The following MAPK6 variants were observed in gnomAD, a reference collection of about 807,000 sequenced individuals.
MAPK6 encodes the protein ERK-3.
A neutral mutation model predicts 59.3 loss-of-function variants in MAPK6; 19 were observed. The ratio of observed to expected loss-of-function variants is 0.32; its 90% CI spans 0.22 to 0.47. MAPK6 has a LOEUF of 0.47. Among genes scored for constraint, MAPK6 ranks in the 20% least tolerant of loss-of-function variants. The probability of loss-of-function intolerance (pLI) is 1.00; values close to 1 mark genes in which losing one functional copy is unlikely to be tolerated. For synonymous variants in MAPK6, 316 were observed against 290.3 expected, an observed-to-expected ratio of 1.09 and a Z score of -0.90; for missense variants, 724 against 847.9, an observed-to-expected ratio of 0.85 and a Z score of 1.81.
Position 51,998,204 on chromosome 15 carries a change from G to A in MAPK6, c.-769-6061G>A, listed in dbSNP as rs898438892. 2.6e-5 allele frequency among the ~76,000 whole-genome samples: 4 copies of A among 151,760 alleles called. No homozygotes were observed. In the East Asian group the frequency reaches 7.8e-4, roughly 29 times the overall value. On this transcript the variant is annotated intron_variant, in intron 2 of 7. Transcript: ENST00000691380. ...TAATCCACCCGCCTTGGACTCCCAA[G>A]GTGCTGAGATTACAGGCTTGAGCAA...
At chr15:52,008,503 A>G (rs1376517133) in intron 3 of MAPK6, among the ~76,000 whole-genome samples, 1 of 152,170 alleles carries the variant, frequency 6.6e-6, no homozygotes, top group Non-Finnish European at 1.5e-5. Flanking sequence ...TCCTGTGCAC[A>G]TGGGTCATGG....
intron 3 of MAPK6, among the ~76,000 whole-genome samples, chr15:52,052,910 A>T (rs894335294): frequency 6.6e-6 from 1 of 152,162 alleles, no homozygotes; most frequent in South Asian, 2.1e-4. Flanking sequence ...TATACCTAGG[A>T]GTGGAATTGC....
intron 3 of MAPK6, among the ~76,000 whole-genome samples, chr15:52,009,257 T>C (rs1339001776): frequency 1.3e-5 from 2 of 152,226 alleles, no homozygotes; most frequent in Non-Finnish European, 2.9e-5. Context: ...TTATTTACTC[T>C]GGTCATGTGG....
At chr15:52,049,023 G>A (rs2031690684) in intron 2 of MAPK6, among the ~76,000 whole-genome samples, 1 of 152,118 alleles carries the variant, frequency 6.6e-6, no homozygotes. Context: ...ACTTGAAGCA[G>A]ATCTCACTCT....
At chr15:52,012,247 T>C (rs2030077230) in intron 3 of MAPK6, among the ~76,000 whole-genome samples, 1 of 152,210 alleles carries the variant, frequency 6.6e-6, no homozygotes, top group Non-Finnish European at 1.5e-5. Flanking sequence ...GAGAACATGA[T>C]TTCCACACCC....
chr15:51,976,914 G>A (rs2057159085), intron 1 of MAPK6, among the ~76,000 whole-genome samples: 1 of 151,660 alleles, frequency 6.6e-6, no homozygotes, highest in African/African-American at 2.4e-5. Context: ...CTGCTCTCCA[G>A]CCTGGGAGAT....
intron 1 of MAPK6, among the ~76,000 whole-genome samples, chr15:52,034,650 T>C (rs917315966): frequency 2.0e-5 from 3 of 151,970 alleles, no homozygotes; most frequent in Non-Finnish European, 4.4e-5. Flanking sequence ...TCTTCACTTT[T>C]CTTTTTGTTT....
Position 51,971,827 on chromosome 15 carries a change from T to C in MAPK6, c.-959T>C, listed in dbSNP as rs1451178417. 4.4e-5 allele frequency: 64 copies of C among 1,444,014 alleles called. No homozygotes were observed. In the South Asian group the frequency reaches 6.5e-4, roughly 15 times the overall value. The allele number at this position is 1,444,014 out of a possible 1,614,324, so 89.5% of individuals were successfully genotyped here. A position where few individuals can be genotyped will look rare whatever the true frequency, so the allele number is the denominator to read the frequency against. Reference sequence around the variant, plus strand: ...GCACGGAACCACTGAAACACGACAGTGTCGCAAAGATTCGCCGAAGACACT... The same window carrying C: ...GCACGGAACCACTGAAACACGACAGCGTCGCAAAGATTCGCCGAAGACACT... On this transcript the variant is annotated 5_prime_UTR_variant, in exon 1 of 8. Coordinates refer to the MAPK6 transcript ENST00000691380.
intron 3 of MAPK6, among the ~76,000 whole-genome samples, chr15:52,051,542 C>T (rs2031780831): frequency 6.6e-6 from 1 of 152,214 alleles, no homozygotes; most frequent in Admixed American, 6.5e-5. Flanking sequence ...GTTTATATAA[C>T]AGCAAGCCAG....
intron 1 of MAPK6, among the ~76,000 whole-genome samples, chr15:52,044,069 C>T (rs556450672): frequency 1.2e-4 from 18 of 151,930 alleles, no homozygotes; most frequent in African/African-American, 3.4e-4. Context: ...CCACCGTGTC[C>T]GGCCTTGAGA....
At chr15:51,991,974 G>A (rs2057209996) in intron 2 of MAPK6, among the ~76,000 whole-genome samples, 1 of 151,988 alleles carries the variant, frequency 6.6e-6, no homozygotes, top group African/African-American at 2.4e-5. Context: ...ATTATTTTTT[G>A]GAGACTGGGT....
At position 51,973,218 on chromosome 15, in the gene MAPK6, C is replaced by T. The variant is rs16964653; in HGVS notation, c.-880+1312C>T. On this transcript the variant is annotated intron_variant, in intron 1 of 7. Transcript: ENST00000691380. ...AATCCTAGAGCTTTTGTGTATGAAG[C>T]GGATGTTGCAAGAGAAGATACATAG... Among the ~76,000 whole-genome samples the T allele has an allele frequency of 5.6e-3, 850 of 151,954 alleles. 11 individuals carry two copies. The highest frequency in any genetic ancestry group is 0.019 in the African/African-American group (809 of 41,512).
chr15:52,020,486 T>C (rs1353007421), intron 1 of MAPK6, among the ~76,000 whole-genome samples: 1 of 152,158 alleles, frequency 6.6e-6, no homozygotes, highest in Non-Finnish European at 1.5e-5. Flanking sequence ...TACAGATGAT[T>C]TGTCAAGGGG....
chr15:52,059,969 G>A (rs1318020484), intron 4 of MAPK6, among the ~76,000 whole-genome samples: 1 of 152,176 alleles, frequency 6.6e-6, no homozygotes, highest in Non-Finnish European at 1.5e-5. Context: ...AAGGAAAAAA[G>A]CAAACAGGAT....
chr15:52,021,490 G>C (rs943149888), intron 1 of MAPK6: 2 of 151,766 alleles, frequency 1.3e-5, no homozygotes, highest in Non-Finnish European at 2.9e-5. Flanking sequence ...AAAAGTAATG[G>C]CTTCTTAAAT....
At chr15:52,023,573 T>C (rs747907667) in intron 1 of MAPK6, among the ~76,000 whole-genome samples, 20 of 152,256 alleles carry the variant, frequency 1.3e-4, no homozygotes, top group Non-Finnish European at 1.6e-4. Context: ...GAACTGCGTA[T>C]TTGGAAAATA....
chr15:51,974,723 T>A (rs1010992433), intron 1 of MAPK6, among the ~76,000 whole-genome samples: 1 of 150,566 alleles, frequency 6.6e-6, no homozygotes, highest in Non-Finnish European at 1.5e-5. Flanking sequence ...GAATTTCTTT[T>A]TTCCCCCCCC....
At position 52,064,410 on chromosome 15, in the gene MAPK6, G is replaced by T. The variant is rs777783622; in HGVS notation, c.1576G>T (p.Asp526Tyr). The change falls in exon 6 of 6, where the codon GAT becomes TAT. Residue 526 changes from aspartate to tyrosine, a missense_variant. Transcript: ENST00000261845. ...GKEREKNQGFDFDSFIAGTIQ... is the reference protein window; with the variant it reads ...GKEREKNQGFYFDSFIAGTIQ... Reference sequence around the variant, plus strand: ...AGAAAGGGAAAAGAATCAGGGATTTGATTTTGATTCCTTTATTGCAGGAAC... The same window carrying T: ...AGAAAGGGAAAAGAATCAGGGATTTTATTTTGATTCCTTTATTGCAGGAAC... 11 of 1,611,872 alleles carry T rather than the reference G, an allele frequency of 6.8e-6. No homozygotes were observed. Among genetic ancestry groups the T allele is most frequent in the Non-Finnish European group, 9.3e-6 (11 of 1,179,802 alleles).
At chr15:52,036,095 T>G (rs1006781869) in intron 1 of MAPK6, among the ~76,000 whole-genome samples, 2 of 151,976 alleles carry the variant, frequency 1.3e-5, no homozygotes, top group Non-Finnish European at 2.9e-5. Context: ...TTAAGCCAGG[T>G]GGGGTGGTGT....
Sources: allele counts gnomAD v4.1 joint callset (sites outside exome capture counted in the v4.1 genomes callset), GRCh38; gene constraint gnomAD v4.1.1; transcripts MANE v1.5; gene names NCBI Gene and HGNC (gene_info 2026-07-23, HGNC 2026-07-21).